Variants in RASA3 observed in about 807,000 individuals in gnomAD.
RASA3 encodes RAS p21 protein activator 3.
RASA3 carries 73 observed loss-of-function variants against 110.0 expected under a neutral mutation model. That is an observed-to-expected ratio of 0.66 (90% CI 0.55 to 0.81). RASA3 has a LOEUF of 0.81. Among genes scored for constraint, RASA3 ranks in the 30% least tolerant of loss-of-function variants. RASA3 has a pLI of 0.00. For synonymous variants in RASA3, 500 were observed against 451.4 expected, an observed-to-expected ratio of 1.11 and a Z score of -1.37; for missense variants, 976 against 1,113.2, an observed-to-expected ratio of 0.88 and a Z score of 1.75.
chr13:114,127,524 G>A (rs1259661322), intron 1 of RASA3, among the ~76,000 whole-genome samples: 3 of 152,152 alleles, frequency 2.0e-5, no homozygotes, highest in African/African-American at 7.2e-5. Context: ...TGCCTGCCTC[G>A]TGTCCCTAAG....
intron 8 of RASA3, among the ~76,000 whole-genome samples, chr13:114,022,465 G>A (rs966257796): frequency 6.6e-6 from 1 of 152,188 alleles, no homozygotes; most frequent in African/African-American, 2.4e-5. Flanking sequence ...CCTACCCAGG[G>A]GGCTAAAACT....
At chr13:114,002,363 G>A (rs932060134) in intron 18 of RASA3, among the ~76,000 whole-genome samples, 1 of 152,200 alleles carries the variant, frequency 6.6e-6, no homozygotes, top group Non-Finnish European at 1.5e-5. Context: ...CCAGGACAGC[G>A]CAGTTCACAA....
intron 1 of RASA3, among the ~76,000 whole-genome samples, chr13:114,124,984 C>T (rs1045906928): frequency 1.3e-5 from 2 of 152,214 alleles, no homozygotes; most frequent in Non-Finnish European, 2.9e-5. Flanking sequence ...CACAGCACTC[C>T]TGCCATCCCA....
At position 114,018,217 on chromosome 13, in the gene RASA3, C is replaced by A; in HGVS notation, c.978G>T (p.Glu326Asp). The change falls in exon 11 of 24, where the codon GAG becomes GAT. Residue 326 changes from glutamate (E) to aspartate (D), a missense_variant. By Grantham distance (45) the Glu-to-Asp change is conservative. This residue lies in a region of RASA3 where 732 missense variants were observed against 779.7 expected (regional missense o/e 0.94). Transcript: ENST00000334062. ...VSASAAHILG[E>D]VCREKQEAAV... Reference sequence around the variant, plus strand: ...CCGCCTCCTGCTTCTCCCGGCAAACCTCGCCCAGGATGTGGGCCGCAGACG... The same window carrying A: ...CCGCCTCCTGCTTCTCCCGGCAAACATCGCCCAGGATGTGGGCCGCAGACG... The A allele has an allele frequency of 6.4e-7, 1 of 1,553,930 alleles. No homozygotes were observed. Among genetic ancestry groups the A allele is most frequent in the Non-Finnish European group, 8.7e-7 (1 of 1,149,074 alleles).
At chr13:114,052,014 G>T in intron 3 of RASA3, 38 bp downstream of exon 3, 1 of 1,476,602 alleles carries the variant, frequency 6.8e-7, no homozygotes, top group South Asian at 1.1e-5. Context: ...GTACAGAACA[G>T]GCAGAAAAGG....
intron 2 of RASA3, among the ~76,000 whole-genome samples, chr13:114,071,293 T>C (rs1040450002): frequency 4.6e-5 from 7 of 152,194 alleles, no homozygotes; most frequent in Non-Finnish European, 2.9e-5. Flanking sequence ...AGAACCATGA[T>C]TTCTATTTCT....
intron 2 of RASA3, among the ~76,000 whole-genome samples, chr13:114,058,931 C>T (rs769563225): frequency 1.3e-5 from 2 of 152,246 alleles, no homozygotes; most frequent in African/African-American, 2.4e-5. Flanking sequence ...GATGCAGTGG[C>T]TCACGCCTGT....
chr13:113,993,305 A>G (rs1009191047), intron 21 of RASA3, among the ~76,000 whole-genome samples: 14 of 152,004 alleles, frequency 9.2e-5, no homozygotes, highest in Non-Finnish European at 1.6e-4. Flanking sequence ...CCTCCTGAGT[A>G]GCTGGGATTA....
intron 3 of RASA3, among the ~76,000 whole-genome samples, chr13:114,049,711 C>T (rs1053507193): frequency 6.6e-6 from 1 of 152,240 alleles, no homozygotes; most frequent in African/African-American, 2.4e-5. Context: ...CATTAGCCTC[C>T]GCTGAATAAT....
intron 1 of RASA3, among the ~76,000 whole-genome samples, chr13:114,104,878 G>A (rs1249091682): frequency 6.6e-5 from 7 of 106,496 alleles, no homozygotes; most frequent in South Asian, 6.2e-4. Context: ...CCCCACACAC[G>A]CTACCCACTC....
chr13:113,995,150 G>T (rs1441745271), intron 21 of RASA3, among the ~76,000 whole-genome samples: 2 of 152,232 alleles, frequency 1.3e-5, no homozygotes, highest in Admixed American at 1.3e-4. Flanking sequence ...GAGATAAATG[G>T]CCTGGAAGGA....
intron 4 of RASA3, among the ~76,000 whole-genome samples, chr13:114,039,498 G>A (rs534177793): frequency 4.9e-4 from 75 of 152,192 alleles, no homozygotes; most frequent in Admixed American, 7.8e-4. Flanking sequence ...ACCCTGTGCC[G>A]CAACCCTACA....
In RASA3 at chr13:114,011,231, C is replaced by T. The variant is rs2139239296; in HGVS notation, c.1530G>A (p.Arg510=). 1 of 1,612,724 alleles carries T rather than the reference C, an allele frequency of 6.2e-7. No individual in the cohort carries two copies. The highest frequency in any genetic ancestry group is 8.5e-7 in the Non-Finnish European group (1 of 1,179,670). ...TPHHTDPQTS[R]TLTLISKTVQ... is the part of the protein sequence containing the mutation. ...CGGTCTTGGAGATCAATGTCAGCGT[C>T]CTGGACGTCTGGGGGTCCTGGGGAG... Residue 510 remains arginine, a synonymous_variant, in exon 16 of 24, where the codon AGG becomes AGA. Transcript: ENST00000334062. The surrounding 1 kb of genome is among the most constrained non-coding windows in gnomAD (Gnocchi z 4.8).
intron 3 of RASA3, among the ~76,000 whole-genome samples, chr13:114,044,694 G>A (rs879204644): frequency 1.3e-5 from 2 of 149,052 alleles, no homozygotes; most frequent in South Asian, 2.1e-4. Context: ...CAGGAATAAA[G>A]CCACATGAAA....
At chr13:114,130,909 G>A (rs1156384298) in intron 1 of RASA3, among the ~76,000 whole-genome samples, 1 of 152,026 alleles carries the variant, frequency 6.6e-6, no homozygotes, top group African/African-American at 2.4e-5. Flanking sequence ...AGCCTTGGCT[G>A]AAGGAAAGAG....
rs2080265719 is a variant in RASA3 at position 114,115,600 on chromosome 13, G to A, written c.55+16835C>T. 6.6e-6 allele frequency among the ~76,000 whole-genome samples: 1 copy of A among 152,174 alleles called. No homozygotes were observed. Among genetic ancestry groups the A allele is most frequent in the Non-Finnish European group, 1.5e-5 (1 of 68,026 alleles). On this transcript the variant is annotated intron_variant, in intron 1 of 23. Coordinates refer to ENST00000334062, the MANE Select transcript of RASA3 (RefSeq NM_007368.4). The surrounding 1 kb of genome is among the most constrained non-coding windows in gnomAD (Gnocchi z 5.0). The stretch of plus-strand genomic sequence containing the variant: ...CTGGTCATGTCCACGCCCTCTGCAG[G>A]CCTCGTGTCCCCCTCGCTGTCGCCT...
intron 8 of RASA3, among the ~76,000 whole-genome samples, chr13:114,023,967 T>A (rs1230110254): frequency 6.6e-6 from 1 of 152,142 alleles, no homozygotes; most frequent in Non-Finnish European, 1.5e-5. Flanking sequence ...CCTGAACCCA[T>A]GGAAGGCGGA....
intron 1 of RASA3, among the ~76,000 whole-genome samples, chr13:114,101,218 A>G (rs2080056477): frequency 6.6e-6 from 1 of 152,218 alleles, no homozygotes; most frequent in South Asian, 2.1e-4. Flanking sequence ...AGGGACCAAA[A>G]TTGAAGAACC....
chr13:114,071,918 CAT>C (rs1404284152), intron 2 of RASA3, among the ~76,000 whole-genome samples: 2 of 152,212 alleles, frequency 1.3e-5, no homozygotes, highest in Non-Finnish European at 2.9e-5. Context: ...TTTAGCTAAA[CAT>C]GTTCTCAAAA....
Sources: gnomAD v4.1 joint callset for allele counts (sites outside exome capture counted in the v4.1 genomes callset) on GRCh38, gnomAD v4.1.1 for gene constraint, gnomAD v4.1.1 regional missense constraint, Gnocchi (gnomAD v3.1) non-coding constraint, MANE v1.5 for transcripts, NCBI Gene and HGNC (gene_info 2026-07-23, HGNC 2026-07-21) for gene names.